Variants in NRXN3 observed in about 807,000 individuals in gnomAD.
NRXN3 encodes neurexin 3, also known as neurexin III.
NRXN3 carries 32 observed loss-of-function variants against 137.6 expected under a neutral mutation model. That is an observed-to-expected ratio of 0.23 (90% CI 0.18 to 0.31). The LOEUF is 0.31. Ranked by LOEUF, NRXN3 falls within the 10% of genes least tolerant of loss-of-function variation. The pLI is 1.00. For synonymous variants in NRXN3, 798 were observed against 784.5 expected (o/e 1.02, Z -0.29); for missense variants, 1,574 against 2,062.5 (o/e 0.76, Z 4.59).
At chr14:79,828,972 T>C (rs2371104) in intron 20 of NRXN3, among the ~76,000 whole-genome samples, 138,593 of 152,208 alleles carry the variant, frequency 0.91, 63,139 homozygotes, top group East Asian at 1. Context: ...TATTGATCGA[T>C]TTATAATTTA....
Position 78,699,530 on chromosome 14 carries a change from C to T in NRXN3, c.1222-9687C>T, listed in dbSNP as rs530123233. Among the ~76,000 whole-genome samples the T allele has an allele frequency of 3.9e-5, 6 of 152,270 alleles. No homozygotes were observed. In the South Asian group the frequency reaches 6.2e-4, roughly 16 times the overall value. ...GACGATTAGAGTCATTTCTAGTCCT[C>T]GGAATAAAAATAACAGTAGTTTCCT... On this transcript the variant is annotated intron_variant, in intron 6 of 20. Coordinates refer to ENST00000335750, the MANE Select transcript of NRXN3 (RefSeq NM_001330195.2).
intron 15 of NRXN3, among the ~76,000 whole-genome samples, chr14:79,418,180 G>A (rs759136586): frequency 6.6e-6 from 1 of 152,238 alleles, no homozygotes; most frequent in Non-Finnish European, 1.5e-5. Flanking sequence ...GAGGTATGCT[G>A]CCAACATCCT....
chr14:78,901,228 T>A (rs1457059593), intron 10 of NRXN3, among the ~76,000 whole-genome samples: 6 of 152,002 alleles, frequency 3.9e-5, no homozygotes, highest in Non-Finnish European at 8.8e-5. Context: ...TGAACCATTT[T>A]TTTTTCCATG....
At chr14:78,516,375 C>T (rs1021398115) in intron 4 of NRXN3, among the ~76,000 whole-genome samples, 14 of 75,356 alleles carry the variant, frequency 1.9e-4, no homozygotes, top group Non-Finnish European at 3.2e-5. Context: ...GGAATTGGGG[C>T]TAGGCTGAGC....
intron 16 of NRXN3, among the ~76,000 whole-genome samples, chr14:79,660,237 C>T (rs943374020): frequency 1.3e-5 from 2 of 152,154 alleles, no homozygotes; most frequent in African/African-American, 2.4e-5. Context: ...ACAAGGCTTC[C>T]GTGACTTCTA....
chr14:78,366,213 C>T (rs2085921648), intron 4 of NRXN3, among the ~76,000 whole-genome samples: 1 of 152,110 alleles, frequency 6.6e-6, no homozygotes, highest in Admixed American at 6.5e-5. Context: ...TATTATAATA[C>T]CACCAATAAA....
At chr14:78,191,564 C>T (rs913194885) in intron 1 of NRXN3, among the ~76,000 whole-genome samples, 5 of 152,192 alleles carry the variant, frequency 3.3e-5, no homozygotes, top group Admixed American at 3.3e-4. Context: ...TTTCCCATAG[C>T]TCCCCACCCT....
At chr14:78,992,779 G>T (rs2099521536) in intron 15 of NRXN3, among the ~76,000 whole-genome samples, 1 of 152,124 alleles carries the variant, frequency 6.6e-6, no homozygotes, top group Non-Finnish European at 1.5e-5. Flanking sequence ...GTTTTGAGTG[G>T]CATACAATTT....
intron 15 of NRXN3, among the ~76,000 whole-genome samples, chr14:79,449,209 G>A (rs1165792208): frequency 6.6e-6 from 1 of 152,176 alleles, no homozygotes; most frequent in East Asian, 1.9e-4. Context: ...ACTTCATAGT[G>A]AAGATGATTA....
chr14:78,958,930 A>G (rs937194320), intron 11 of NRXN3, among the ~76,000 whole-genome samples: 1 of 152,180 alleles, frequency 6.6e-6, no homozygotes, highest in African/African-American at 2.4e-5. Context: ...GTCTAATATA[A>G]TCATTGCCAC....
intron 14 of NRXN3, among the ~76,000 whole-genome samples, chr14:78,983,221 T>C (rs2099494031): frequency 6.6e-6 from 1 of 152,218 alleles, no homozygotes; most frequent in African/African-American, 2.4e-5. Flanking sequence ...ATAACCATTA[T>C]GGAAAACAGA....
At chr14:78,179,587 C>T (rs1233609323) in intron 1 of NRXN3, among the ~76,000 whole-genome samples, 2 of 152,126 alleles carry the variant, frequency 1.3e-5, no homozygotes, top group Non-Finnish European at 2.9e-5. Context: ...GGAACTAGGG[C>T]TGCCTCTTCC....
chr14:78,694,733 G>A (rs1488861424), intron 6 of NRXN3, among the ~76,000 whole-genome samples: 3 of 151,812 alleles, frequency 2.0e-5, no homozygotes, highest in Non-Finnish European at 4.4e-5. Context: ...TCCTAGGAGT[G>A]GATTACTAGT....
chr14:78,924,977 A>G (rs533303960), intron 10 of NRXN3, among the ~76,000 whole-genome samples: 1 of 152,322 alleles, frequency 6.6e-6, no homozygotes, highest in East Asian at 1.9e-4. Context: ...ATTCACAAGC[A>G]AGAACCTCTG....
At chr14:79,612,388 C>G (rs1484239933) in intron 16 of NRXN3, among the ~76,000 whole-genome samples, 1 of 152,098 alleles carries the variant, frequency 6.6e-6, no homozygotes, top group Non-Finnish European at 1.5e-5. Context: ...CCAGGGACAT[C>G]TCCTTCCTCT....
At chr14:79,839,425 G>A (rs2099351148) in intron 20 of NRXN3, among the ~76,000 whole-genome samples, 1 of 152,118 alleles carries the variant, frequency 6.6e-6, no homozygotes, top group Non-Finnish European at 1.5e-5. Context: ...GATGAATTAA[G>A]ATGCAGTGTG....
At chr14:79,453,820 C>T (rs2096215077) in intron 15 of NRXN3, among the ~76,000 whole-genome samples, 2 of 152,162 alleles carry the variant, frequency 1.3e-5, no homozygotes, top group African/African-American at 4.8e-5. Flanking sequence ...TCAAATAGAT[C>T]ACAAAAGGCT....
chr14:79,149,995 A>G (rs1055975254), intron 15 of NRXN3, among the ~76,000 whole-genome samples: 5 of 152,054 alleles, frequency 3.3e-5, no homozygotes, highest in Non-Finnish European at 5.9e-5. Flanking sequence ...CTGCACATGT[A>G]CCGTGGAACT....
At chr14:79,332,069 C>T (rs181375490) in intron 15 of NRXN3, among the ~76,000 whole-genome samples, 15 of 152,264 alleles carry the variant, frequency 9.9e-5, no homozygotes, top group African/African-American at 2.2e-4. Flanking sequence ...TGGTTGCCTT[C>T]AACTATATTT....
Sources: allele counts gnomAD v4.1 joint callset (sites outside exome capture counted in the v4.1 genomes callset), GRCh38; gene constraint gnomAD v4.1.1; transcripts MANE v1.5; gene names NCBI Gene and HGNC (gene_info 2026-07-23, HGNC 2026-07-21).